ACYP2: variants seen among roughly 807,000 people sequenced by gnomAD.
The protein encoded by ACYP2 is acylphosphatase-2.
Under a neutral mutation model 11.2 loss-of-function variants are expected in ACYP2, and 12 were observed. The observed-to-expected ratio is 1.08, with a 90% CI of 0.69 to 1.74. The LOEUF is 1.74. Among genes scored for constraint, ACYP2 ranks in the 40% most tolerant of loss-of-function variants. The probability of loss-of-function intolerance (pLI) is 0.00; values close to 1 mark genes in which losing one functional copy is unlikely to be tolerated. For synonymous variants in ACYP2, 43 were observed against 32.2 expected (o/e 1.33, Z -1.13); for missense variants, 134 against 101.9 (o/e 1.31, Z -1.35).
intron 4 of ACYP2, among the ~76,000 whole-genome samples, chr2:54,062,031 G>A (rs543087854): frequency 6.6e-6 from 1 of 152,130 alleles, no homozygotes; most frequent in Non-Finnish European, 1.5e-5. Flanking sequence ...AGTGTTTTGC[G>A]TAAGTTGCAT....
intron 6 of ACYP2, among the ~76,000 whole-genome samples, chr2:54,281,281 C>A (rs1688839025): frequency 6.6e-6 from 1 of 152,156 alleles, no homozygotes; most frequent in African/African-American, 2.4e-5. Context: ...GGGATATATT[C>A]TGATGCCTTG....
intron 6 of ACYP2, among the ~76,000 whole-genome samples, chr2:54,148,252 G>GA (rs200925735): frequency 8.5e-4 from 128 of 151,334 alleles, no homozygotes; most frequent in African/African-American, 2.8e-3. Flanking sequence ...TTGATGCCCT[G>GA]AAAAAAAAAT....
chr2:54,091,581 G>A (rs1414199822), intron 4 of ACYP2, among the ~76,000 whole-genome samples: 2 of 151,290 alleles, frequency 1.3e-5, no homozygotes, highest in Non-Finnish European at 1.5e-5. Context: ...GCACGATCTC[G>A]GCTCACTGCA....
chr2:54,124,544 T>C (rs529298377), intron 4 of ACYP2, among the ~76,000 whole-genome samples: 4 of 152,290 alleles, frequency 2.6e-5, no homozygotes, highest in South Asian at 4.1e-4. Flanking sequence ...TTTATTTCCA[T>C]CTATTACTGC....
intron 2 of ACYP2, among the ~76,000 whole-genome samples, chr2:53,983,129 G>A (rs1055247686): frequency 2.0e-5 from 3 of 152,112 alleles, no homozygotes; most frequent in African/African-American, 7.2e-5. Context: ...GGACTAGGAT[G>A]CAAGGCCTAG....
At chr2:54,260,953 T>C (rs1029365152) in intron 6 of ACYP2, among the ~76,000 whole-genome samples, 4 of 151,944 alleles carry the variant, frequency 2.6e-5, no homozygotes, top group Non-Finnish European at 5.9e-5. Flanking sequence ...GTCCAAACCA[T>C]TGACAGGAGA....
chr2:54,058,529 G>A lies in ACYP2; in HGVS notation c.277+1169G>A, dbSNP rs559768649. On this transcript the variant is annotated intron_variant, in intron 4 of 6. Transcript: ENST00000607452. ...CTTCATTTCTAGTTAATTCAATATCGAGTATTTACATTATGATGTCAGTGT... is the reference window on the plus strand; with the variant it reads ...CTTCATTTCTAGTTAATTCAATATCAAGTATTTACATTATGATGTCAGTGT... Among the ~76,000 whole-genome samples the A allele has an allele frequency of 3.3e-5, 5 of 151,820 alleles. No homozygotes were observed. The East Asian group carries it at 5.8e-4, about 18-fold the overall frequency.
chr2:54,138,088 G>C (rs1681365850), intron 5 of ACYP2, among the ~76,000 whole-genome samples: 1 of 113,082 alleles, frequency 8.8e-6, no homozygotes, highest in Non-Finnish European at 1.9e-5. Flanking sequence ...CTACTTTTGA[G>C]AAGTGTCCAT....
chr2:54,049,775 T>C (rs372665711), intron 2 of ACYP2, among the ~76,000 whole-genome samples: 2 of 152,344 alleles, frequency 1.3e-5, no homozygotes, highest in East Asian at 3.9e-4. Context: ...GCTTTGGCCA[T>C]TGGGAGCTCT....
At chr2:54,056,298 A>T (rs140838308) in intron 3 of ACYP2, among the ~76,000 whole-genome samples, 24 of 152,332 alleles carry the variant, frequency 1.6e-4, no homozygotes, top group Non-Finnish European at 2.5e-4. Context: ...GCCTGGTGAC[A>T]TGGGCAGTTT....
chr2:54,044,106 C>T (rs990699314), intron 2 of ACYP2, among the ~76,000 whole-genome samples: 4 of 152,160 alleles, frequency 2.6e-5, no homozygotes, highest in Non-Finnish European at 5.9e-5. Flanking sequence ...AAACACTCCC[C>T]TGCAACAGAT....
At chr2:53,998,246 A>G (rs1672661837) in intron 2 of ACYP2, among the ~76,000 whole-genome samples, 1 of 152,190 alleles carries the variant, frequency 6.6e-6, no homozygotes, top group South Asian at 2.1e-4. Context: ...CCATGTCCCC[A>G]GGAATTGAAG....
intron 6 of ACYP2, among the ~76,000 whole-genome samples, chr2:54,183,343 C>T (rs1252879949): frequency 6.6e-6 from 1 of 152,004 alleles, no homozygotes; most frequent in Admixed American, 6.6e-5. Flanking sequence ...TCCTTGCTTT[C>T]ATTTCAGCAA....
intron 6 of ACYP2, among the ~76,000 whole-genome samples, chr2:54,166,524 G>A (rs775024780): frequency 6.6e-6 from 1 of 152,060 alleles, no homozygotes; most frequent in Non-Finnish European, 1.5e-5. Context: ...ATGCCAAGGC[G>A]ACCTACATTC....
intron 6 of ACYP2, among the ~76,000 whole-genome samples, chr2:54,190,680 T>C (rs933320732): frequency 1.3e-5 from 2 of 152,088 alleles, no homozygotes; most frequent in South Asian, 2.1e-4. Context: ...TCCCAGCGTA[T>C]AGTGCTTTTC....
At chr2:54,201,622 T>TTCTTTC (rs1402481874) in intron 6 of ACYP2, among the ~76,000 whole-genome samples, 1 of 105,490 alleles carries the variant, frequency 9.5e-6, no homozygotes, top group African/African-American at 3.8e-5. Flanking sequence ...CTTTCTTTCT[T>TTCTTTC]TGTTTCTTTC....
At chr2:54,000,834 A>AG (rs1190611916) in intron 2 of ACYP2, among the ~76,000 whole-genome samples, 10 of 152,192 alleles carry the variant, frequency 6.6e-5, no homozygotes, top group African/African-American at 2.4e-4. Flanking sequence ...CTAACTTCAA[A>AG]GGGGATATGG....
At chr2:54,251,808 G>A (rs1002312928) in intron 6 of ACYP2, among the ~76,000 whole-genome samples, 1 of 152,198 alleles carries the variant, frequency 6.6e-6, no homozygotes, top group Admixed American at 6.5e-5. Context: ...TAATAGAGAT[G>A]TCTCCCTTCA....
intron 6 of ACYP2, among the ~76,000 whole-genome samples, chr2:54,272,235 T>C (rs1458168519): frequency 1.3e-5 from 2 of 152,102 alleles, no homozygotes; most frequent in Non-Finnish European, 2.9e-5. Flanking sequence ...CAATAAAAAA[T>C]GGAACACTGA....
Sources: allele counts gnomAD v4.1 joint callset (sites outside exome capture counted in the v4.1 genomes callset), GRCh38; gene constraint gnomAD v4.1.1; transcripts MANE v1.5; gene names NCBI Gene and HGNC (gene_info 2026-07-23, HGNC 2026-07-21).